The following PHTF2 variants were observed in gnomAD, a reference collection of about 807,000 sequenced individuals.
PHTF2 encodes protein PHTF2.
In PHTF2, 60 loss-of-function variants were observed where a neutral mutation model predicts 101.2. The observed-to-expected ratio is 0.59, with a 90% confidence interval of 0.48 to 0.73. The LOEUF is 0.73. Among genes scored for constraint, PHTF2 ranks in the 30% least tolerant of loss-of-function variants. PHTF2 has a pLI of 0.00. For missense variants in PHTF2, 747 were observed against 908.7 expected (o/e 0.82, Z 2.29); for synonymous variants, 311 against 307.3 (o/e 1.01, Z -0.13).
chr7:77,853,451 T>C lies in PHTF2; in HGVS notation c.46-1282T>C, dbSNP rs1796925514. Among the ~76,000 whole-genome samples the C allele has an allele frequency of 2.6e-5, 4 of 151,880 alleles. No homozygotes were observed. In the South Asian group the frequency reaches 8.3e-4, roughly 32 times the overall value. ...CTCTGTTGCCCAGGCTGGAGTGCAG[T>C]GGTGTGATCTCAGCTCATTGCAGCC... On this transcript the variant is annotated intron_variant, in intron 2 of 19. Transcript: ENST00000416283.
intron 12 of PHTF2, among the ~76,000 whole-genome samples, chr7:77,932,621 AGTGTGTGTGT>A (rs56005414): frequency 6.8e-5 from 8 of 118,474 alleles, no homozygotes; most frequent in African/African-American, 2.1e-4. Context: ...AGAGAGAGAG[AGTGTGTGTGT>A]GTGTGTGTGT....
At chr7:77,804,451 G>A (rs1413083491) in intron 1 of PHTF2, among the ~76,000 whole-genome samples, 2 of 152,062 alleles carry the variant, frequency 1.3e-5, no homozygotes, top group Non-Finnish European at 1.5e-5. Flanking sequence ...TCAGCCTTGC[G>A]AGTAGCTGGG....
At position 77,937,848 on chromosome 7, in the gene PHTF2, T is replaced by A. The variant is rs1187155465; in HGVS notation, c.1467+10T>A. On this transcript the variant is annotated intron_variant, in intron 13 of 19. Coordinates refer to ENST00000416283, the Ensembl canonical transcript of PHTF2. ...AATGATAATGAACAGAGTGAGTTTT[T>A]AAATTTTATTCTTGTAGTTCAAGGG... 2.8e-6 allele frequency: 4 copies of A among 1,452,608 alleles called. No individual in the cohort carries two copies. Among genetic ancestry groups the A allele is most frequent in the Non-Finnish European group, 3.7e-6 (4 of 1,079,458 alleles). The allele number at this position is 1,452,608 out of a possible 1,614,324, so 90.0% of individuals were successfully genotyped here. A position where few individuals can be genotyped will look rare whatever the true frequency, so the allele number is the denominator to read the frequency against.
intron 2 of PHTF2, among the ~76,000 whole-genome samples, chr7:77,847,342 A>G (rs1259660115): frequency 6.6e-6 from 1 of 152,158 alleles, no homozygotes; most frequent in Non-Finnish European, 1.5e-5. Flanking sequence ...CTTGAATGTA[A>G]TTTTAAACTA....
intron 12 of PHTF2, among the ~76,000 whole-genome samples, chr7:77,936,123 C>T (rs1805103593): frequency 6.6e-6 from 1 of 151,978 alleles, no homozygotes; most frequent in African/African-American, 2.4e-5. Context: ...AAAAATTTCC[C>T]ACCTCTTTTT....
intron 3 of PHTF2, among the ~76,000 whole-genome samples, chr7:77,884,086 A>G (rs558228907): frequency 2.0e-5 from 3 of 152,320 alleles, no homozygotes; most frequent in Admixed American, 6.5e-5. Context: ...AAATCCAGGT[A>G]TCTTAAACAG....
chr7:77,825,051 C>T (rs908664085), intron 1 of PHTF2, among the ~76,000 whole-genome samples: 4 of 151,858 alleles, frequency 2.6e-5, no homozygotes, highest in African/African-American at 7.3e-5. Flanking sequence ...ATAACAACAA[C>T]AACAATAATA....
At chr7:77,848,695 A>C (rs947505661) in intron 2 of PHTF2, among the ~76,000 whole-genome samples, 1 of 152,086 alleles carries the variant, frequency 6.6e-6, no homozygotes, top group Non-Finnish European at 1.5e-5. Context: ...GCTCTGCAGA[A>C]GCTTTTTAAC....
chr7:77,846,637 C>G (rs1179857275), intron 2 of PHTF2, among the ~76,000 whole-genome samples: 1 of 141,556 alleles, frequency 7.1e-6, no homozygotes, highest in Non-Finnish European at 1.5e-5. Flanking sequence ...CCCTCCCCTC[C>G]CCTTCCCTTC....
At chr7:77,863,710 T>C (rs1249090399) in intron 3 of PHTF2, among the ~76,000 whole-genome samples, 1 of 152,034 alleles carries the variant, frequency 6.6e-6, no homozygotes, top group East Asian at 1.9e-4. Flanking sequence ...CCTGATAGGA[T>C]TTACACGCAT....
chr7:77,849,041 A>G (rs1197032158), intron 2 of PHTF2, among the ~76,000 whole-genome samples: 1 of 152,044 alleles, frequency 6.6e-6, no homozygotes, highest in Non-Finnish European at 1.5e-5. Flanking sequence ...CTGTAGATAT[A>G]TGGATTTGTT....
At chr7:77,799,961 G>A (rs1272714235) in intron 1 of PHTF2, among the ~76,000 whole-genome samples, 4 of 151,854 alleles carry the variant, frequency 2.6e-5, no homozygotes, top group Non-Finnish European at 4.4e-5. Context: ...TTAATCTTAA[G>A]GTTTTTGGTT....
chr7:77,860,438 T>C (rs1797545022), intron 3 of PHTF2, among the ~76,000 whole-genome samples: 2 of 152,222 alleles, frequency 1.3e-5, no homozygotes, highest in South Asian at 4.1e-4. Flanking sequence ...TATTTGGCTG[T>C]CCTAGGTTAG....
intron 16 of PHTF2, 31 bp from the exon 16 acceptor site, chr7:77,949,647 C>T (rs1239862926): frequency 2.3e-6 from 3 of 1,319,220 alleles, no homozygotes; most frequent in South Asian, 2.8e-5. Flanking sequence ...AATCACATTG[C>T]TGCTTTATGT....
chr7:77,803,285 GCAAA>G (rs1376109374), intron 1 of PHTF2, among the ~76,000 whole-genome samples: 2 of 152,120 alleles, frequency 1.3e-5, no homozygotes, highest in African/African-American at 4.8e-5. Context: ...CTTTCCAGTT[GCAAA>G]AACAGTACAA....
At chr7:77,804,401 T>C (rs1030899037) in intron 1 of PHTF2, among the ~76,000 whole-genome samples, 22 of 152,278 alleles carry the variant, frequency 1.4e-4, no homozygotes, top group Non-Finnish European at 2.5e-4. Context: ...TCTTGGCTCA[T>C]TGCAACCTCC....
intron 3 of PHTF2, among the ~76,000 whole-genome samples, chr7:77,859,394 A>T (rs1455621957): frequency 6.6e-6 from 1 of 152,142 alleles, no homozygotes; most frequent in Non-Finnish European, 1.5e-5. Flanking sequence ...TGTATCGTAG[A>T]CCACCAGTGA....
chr7:77,940,323 C>T (rs1050052160), intron 14 of PHTF2, 21 bp downstream of exon 13: 10 of 1,546,376 alleles, frequency 6.5e-6, no homozygotes, highest in Admixed American at 6.3e-5. Context: ...TGTAGACTTC[C>T]GAATAAGAAT....
chr7:77,933,261 A>G (rs888425856), intron 12 of PHTF2, among the ~76,000 whole-genome samples: 1 of 152,102 alleles, frequency 6.6e-6, no homozygotes, highest in Non-Finnish European at 1.5e-5. Flanking sequence ...TAATAAAATA[A>G]ATAAATAAAT....
Sources: gnomAD v4.1 joint callset for allele counts (sites outside exome capture counted in the v4.1 genomes callset) on GRCh38, gnomAD v4.1.1 for gene constraint, MANE v1.5 for transcripts, NCBI Gene and HGNC (gene_info 2026-07-23, HGNC 2026-07-21) for gene names.